NUP205: variants seen among roughly 807,000 people sequenced by gnomAD.
The protein encoded by NUP205 is nucleoporin 205.
NUP205 carries 76 observed loss-of-function variants against 253.8 expected under a neutral mutation model. That is an observed-to-expected ratio of 0.30 (90% confidence interval 0.25 to 0.36). The LOEUF is 0.36. Ranked by LOEUF, NUP205 falls within the 10% of genes least tolerant of loss-of-function variation. The probability of loss-of-function intolerance (pLI) is 1.00; values close to 1 mark genes in which losing one functional copy is unlikely to be tolerated. For synonymous variants in NUP205, 832 were observed against 850.1 expected (o/e 0.98, Z 0.37); for missense variants, 2,162 against 2,425.5 (o/e 0.89, Z 2.28).
At chr7:135,592,589 A>G (rs1457014205) in intron 11 of NUP205, among the ~76,000 whole-genome samples, 1 of 152,210 alleles carries the variant, frequency 6.6e-6, no homozygotes, top group Non-Finnish European at 1.5e-5. Context: ...AAAGGCAAAC[A>G]AAGTTTGTTG....
chr7:135,570,044 TATATATATAGAG>T (rs1254669595), intron 1 of NUP205, among the ~76,000 whole-genome samples: 444 of 101,814 alleles, frequency 4.4e-3, no homozygotes, highest in Non-Finnish European at 7.8e-3. Flanking sequence ...TATATATATA[TATATATATAGAG>T]AGAGAGAGAG....
At chr7:135,620,018 G>T in intron 30 of NUP205, 130 bp downstream of exon 30, 1 of 650,250 alleles carries the variant, frequency 1.5e-6, no homozygotes, top group Non-Finnish European at 2.7e-6. Context: ...CATTTTTAAA[G>T]CATTTACTCA....
intron 1 of NUP205, among the ~76,000 whole-genome samples, chr7:135,564,146 A>G (rs1471536504): frequency 6.6e-6 from 1 of 151,106 alleles, no homozygotes; most frequent in South Asian, 2.1e-4. Context: ...TGGCTCAGTC[A>G]TGGCATACTA....
chr7:135,572,243 TTAA>T (rs1184479100), intron 2 of NUP205, among the ~76,000 whole-genome samples: 3 of 152,182 alleles, frequency 2.0e-5, no homozygotes, highest in Admixed American at 2.0e-4. Flanking sequence ...GGAGATAAAC[TTAA>T]TAATATTTGA....
intron 39 of NUP205, among the ~76,000 whole-genome samples, chr7:135,643,796 T>A (rs1384193173): frequency 6.6e-6 from 1 of 152,190 alleles, no homozygotes; most frequent in Non-Finnish European, 1.5e-5. Flanking sequence ...AAGCATTCCC[T>A]CTACTTACAG....
chr7:135,593,763 A>G (rs113531401), intron 12 of NUP205, among the ~76,000 whole-genome samples: 6,448 of 152,274 alleles, frequency 0.042, 470 homozygotes, highest in African/African-American at 0.15. Flanking sequence ...TTCTAATAGT[A>G]CTTAACATTA....
intron 1 of NUP205, among the ~76,000 whole-genome samples, chr7:135,569,324 T>C (rs1178762028): frequency 1.3e-5 from 2 of 152,130 alleles, no homozygotes; most frequent in Non-Finnish European, 2.9e-5. Flanking sequence ...CCGCCCGCCT[T>C]GGCCTCCCAA....
chr7:135,576,152 C>T (rs577191363), intron 3 of NUP205, 118 bp from the exon 4 acceptor site: 29 of 742,934 alleles, frequency 3.9e-5, no homozygotes, highest in East Asian at 1.4e-4. Context: ...GACCCCAGGG[C>T]CCCTTAAGCC....
At chr7:135,606,258 T>C in intron 20 of NUP205, 32 bp downstream of exon 20, 1 of 1,322,326 alleles carries the variant, frequency 7.6e-7, no homozygotes, top group Non-Finnish European at 1.1e-6. Context: ...ATACACGCAT[T>C]CTTTTACTTT....
chr7:135,622,731 A>G (rs1204904504), intron 30 of NUP205, 46 bp from the exon 31 acceptor site: 1 of 1,584,764 alleles, frequency 6.3e-7, no homozygotes. Context: ...CTCAGTTATT[A>G]CACTGCTTTT....
At chr7:135,595,225 GT>G (rs894929669) in intron 13 of NUP205, among the ~76,000 whole-genome samples, 58 of 142,758 alleles carry the variant, frequency 4.1e-4, no homozygotes, top group Admixed American at 4.2e-4. Context: ...ACTGATTTTT[GT>G]TTTTTTTTTT....
chr7:135,637,101 A>C (rs1224334679), intron 36 of NUP205, among the ~76,000 whole-genome samples: 1 of 152,234 alleles, frequency 6.6e-6, no homozygotes, highest in Non-Finnish European at 1.5e-5. Flanking sequence ...CAATTTTTAA[A>C]ATATATGTTT....
chr7:135,582,580 C>T (rs1034471342), intron 7 of NUP205, among the ~76,000 whole-genome samples: 2 of 151,990 alleles, frequency 1.3e-5, no homozygotes, highest in African/African-American at 4.8e-5. Flanking sequence ...ACCTCCAGGG[C>T]TCACATGATC....
At chr7:135,609,626 C>T (rs1211853678) in intron 22 of NUP205, among the ~76,000 whole-genome samples, 1 of 151,018 alleles carries the variant, frequency 6.6e-6, no homozygotes, top group South Asian at 2.1e-4. Context: ...CCAGCCTGGG[C>T]AACAGAGCGA....
intron 2 of NUP205, among the ~76,000 whole-genome samples, chr7:135,572,596 C>G (rs1049376134): frequency 6.6e-6 from 1 of 152,204 alleles, no homozygotes; most frequent in Non-Finnish European, 1.5e-5. Context: ...GAGTCTCACT[C>G]TGTCGTCCAG....
In NUP205 at chr7:135,619,578, T is replaced by G. The variant is rs1794431497; in HGVS notation, c.4119T>G (p.Ser1373Arg). Residue 1373 changes from serine (S) to arginine (R), a missense_variant, in exon 29 of 43, where the codon AGT becomes AGG. Ser to Arg is a moderately radical substitution (Grantham distance 110, BLOSUM62 -1). Transcript: ENST00000285968. ...CCCATTACGCTTTTATGCTTGATAG[T>G]TGCTTCACCTCACCTCCTCCTGAAG... ...AEAHYAFMLDSCFTSPPPEEN... is the reference protein window; with the variant it reads ...AEAHYAFMLDRCFTSPPPEEN... 6 of 1,614,046 alleles carry G rather than the reference T, an allele frequency of 3.7e-6. No homozygotes were observed. Among genetic ancestry groups the G allele is most frequent in the Non-Finnish European group, 5.1e-6 (6 of 1,180,022 alleles).
chr7:135,571,310 TAAAC>T, intron 2 of NUP205, 63 bp downstream of exon 2: 1 of 1,104,968 alleles, frequency 9.1e-7, no homozygotes. Flanking sequence ...AGGAAGGAAG[TAAAC>T]TCTTTTCTTT....
rs4316099 is a variant in NUP205 at position 135,614,580 on chromosome 7, G to A, written c.3310+307G>A. Among the ~76,000 whole-genome samples, 150,295 of 152,308 alleles carry A rather than the reference G, an allele frequency of 0.99. 74,183 individuals are homozygous for A. Among genetic ancestry groups the A allele is most frequent in the Middle Eastern group, 1 (294 of 294 alleles). On this transcript the variant is annotated intron_variant, in intron 23 of 42. Transcript: ENST00000285968. ...AGTTTTTGAATGAAAATTGTTTTAC[G>A]AAGATTTCTGATTTTCTCTTCCCAG...
At position 135,603,147 on chromosome 7, in the gene NUP205, G is replaced by A. The variant is rs144469177; in HGVS notation, c.2702+153G>A. On this transcript the variant is annotated intron_variant, in intron 18 of 42. Transcript: ENST00000285968. Reference sequence around the variant, plus strand: ...TTTTTTTTTTTTGAGATGGAGTCTCGCTCTGTCGTCCAGGCTAGAGTGCAG... The same window carrying A: ...TTTTTTTTTTTTGAGATGGAGTCTCACTCTGTCGTCCAGGCTAGAGTGCAG... Among the ~76,000 whole-genome samples, 310 of 120,206 alleles carry A rather than the reference G, an allele frequency of 2.6e-3. 1 individual carries two copies. Among genetic ancestry groups the A allele is most frequent in the East Asian group, 0.024 (98 of 4,030 alleles). The allele number at this position is 120,206 out of a possible 152,430, so 78.9% of individuals were successfully genotyped here.
Sources: gnomAD v4.1 joint callset for allele counts (sites outside exome capture counted in the v4.1 genomes callset) on GRCh38, gnomAD v4.1.1 for gene constraint, MANE v1.5 for transcripts, NCBI Gene and HGNC (gene_info 2026-07-23, HGNC 2026-07-21) for gene names.